Variants in CEP295 observed in about 807,000 individuals in gnomAD.
CEP295 encodes the protein centrosomal protein of 295 kDa.
A neutral mutation model predicts 291.6 loss-of-function variants in CEP295; 190 were observed. The observed-to-expected ratio is 0.65, with a 90% CI of 0.58 to 0.73. CEP295 has a LOEUF of 0.73. Among genes scored for constraint, CEP295 ranks in the 30% least tolerant of loss-of-function variants. The probability of loss-of-function intolerance (pLI) is 0.00; values close to 1 mark genes in which losing one functional copy is unlikely to be tolerated. For synonymous variants in CEP295, 993 were observed against 1,038.8 expected, an observed-to-expected ratio of 0.96 and a Z score of 0.85; for missense variants, 2,863 against 2,949.4, an observed-to-expected ratio of 0.97 and a Z score of 0.68.
chr11:93,722,192 G>T (rs1953784622), intron 20 of CEP295, 142 bp downstream of exon 20: 5 of 631,942 alleles, frequency 7.9e-6, no homozygotes, highest in Non-Finnish European at 1.4e-5. Flanking sequence ...AGTATGGCCA[G>T]GCGTGGTGCC....
chr11:93,664,289 G>A (rs963491528), intron 1 of CEP295, among the ~76,000 whole-genome samples: 3 of 151,860 alleles, frequency 2.0e-5, no homozygotes, highest in African/African-American at 7.3e-5. Context: ...TAAAATTTTC[G>A]CCACTCCACA....
In CEP295 at chr11:93,721,376, T is replaced by C. The variant is rs773130704; in HGVS notation, c.5814T>C (p.His1938=). Residue 1938 remains histidine (H), a synonymous_variant, in exon 19 of 30, where the codon CAT becomes CAC. Transcript: ENST00000325212. ...AVLSYAVEEE[H]AYLGPTVKPD... is the part of the protein sequence containing the mutation. ...TAAGTTATGCTGTGGAGGAAGAACATGCATATTTGGGTCCAACTGTGAAGC... is the reference window on the plus strand; with the variant it reads ...TAAGTTATGCTGTGGAGGAAGAACACGCATATTTGGGTCCAACTGTGAAGC... 6.3e-7 allele frequency: 1 copy of C among 1,579,080 alleles called. No individual in the cohort carries two copies. Among genetic ancestry groups the C allele is most frequent in the Non-Finnish European group, 8.6e-7 (1 of 1,159,916 alleles).
Position 93,697,563 on chromosome 11 carries a change from G to A in CEP295, c.2651G>A (p.Gly884Asp), listed in dbSNP as rs1951908264. The change falls in exon 15 of 30, where the codon GGC (glycine) becomes GAC (aspartate). Residue 884 changes from glycine to aspartate, a missense_variant. Physicochemically the swap from Gly to Asp is moderately conservative, Grantham distance 94. Transcript: ENST00000325212. ...CKQKEVEQQT[G>D]LSVFLPLVTP... ...CAGAAAGAAGTGGAACAGCAAACGG[G>A]CCTCTCGGTATTCCTTCCCTTGGTA... 6.4e-7 allele frequency: 1 copy of A among 1,551,606 alleles called. No individual in the cohort carries two copies. Among genetic ancestry groups the A allele is most frequent in the Admixed American group, 2.0e-5 (1 of 50,984 alleles).
chr11:93,666,820 G>A lies in CEP295; in HGVS notation c.108+5G>A. The A allele has an allele frequency of 7.0e-7, 1 of 1,421,904 alleles. No homozygotes were observed. Among genetic ancestry groups the A allele is most frequent in the Non-Finnish European group, 9.6e-7 (1 of 1,038,994 alleles). The allele number at this position is 1,421,904 out of a possible 1,614,324, so 88.1% of individuals were successfully genotyped here. ...CGAAAACTAAGATTGCTACAGGTAT[G>A]ACTTATTTGTAATAAAGTTTTAAAT... is the stretch of plus-strand genomic sequence containing the variant. On this transcript the variant is annotated splice_donor_5th_base_variant and intron_variant, in intron 2 of 29. Transcript: ENST00000325212.
intron 10 of CEP295, 139 bp downstream of exon 10, chr11:93,688,004 A>G (rs1951330694): frequency 1.3e-5 from 7 of 544,592 alleles, no homozygotes; most frequent in Non-Finnish European, 2.2e-5. Context: ...AAGAAACATT[A>G]TAAAAGCCTT....
intron 7 of CEP295, 82 bp downstream of exon 7, chr11:93,679,634 G>C: frequency 8.4e-7 from 1 of 1,195,112 alleles, no homozygotes; most frequent in Non-Finnish European, 1.1e-6. Context: ...TGAGCTCAAA[G>C]AAAGGTAGGA....
chr11:93,681,533 G>T (rs928871083), intron 7 of CEP295, among the ~76,000 whole-genome samples: 29 of 139,990 alleles, frequency 2.1e-4, no homozygotes, highest in African/African-American at 5.6e-4. Context: ...CTCCTGCCTT[G>T]GCCTCCCAAG....
In CEP295 at chr11:93,727,117, A is replaced by G; in HGVS notation, c.6641A>G (p.Glu2214Gly). The G allele has an allele frequency of 6.4e-7, 1 of 1,551,348 alleles. No homozygotes were observed. The stretch of plus-strand genomic sequence containing the variant: ...AAAAATCAGAACTATCCCTCTGAAG[A>G]ACATACTGAAATATTACAAAACAAG... ...GMKNQNYPSE[E>G]HTEILQNKKK... The change falls in exon 24 of 30, where the codon GAA becomes GGA. Residue 2214 changes from glutamate (E) to glycine (G), a missense_variant. Physicochemically the swap from Glu to Gly is moderately conservative, Grantham distance 98 (BLOSUM62 -2). This residue lies in a region of CEP295 where 2,295 missense variants were observed against 2,335.7 expected (regional missense o/e 0.98). Coordinates refer to ENST00000325212, the MANE Select transcript of CEP295 (RefSeq NM_033395.2).
At chr11:93,677,526 G>A (rs185537779) in intron 6 of CEP295, among the ~76,000 whole-genome samples, 17 of 152,138 alleles carry the variant, frequency 1.1e-4, no homozygotes, top group Middle Eastern at 3.4e-3. Context: ...TGCTACATTC[G>A]CTACCTCTAC....
chr11:93,721,317 C>T lies in CEP295; in HGVS notation c.5755C>T (p.Leu1919=), dbSNP rs1953696118. 1.3e-6 allele frequency: 2 copies of T among 1,547,550 alleles called. No homozygotes were observed. Among genetic ancestry groups the T allele is most frequent in the Non-Finnish European group, 1.8e-6 (2 of 1,142,686 alleles). ...CGDDYDEAVK[L]KESVVENHAV... is the part of the protein sequence containing the mutation. Reference sequence around the variant, plus strand: ...CTCCAAAATCCATTTTTCAGTTAAGCTGAAGGAATCTGTTGTTGAAAATCA... The same window carrying T: ...CTCCAAAATCCATTTTTCAGTTAAGTTGAAGGAATCTGTTGTTGAAAATCA... The change falls in exon 19 of 30, where the codon CTG becomes TTG. Residue 1919 remains leucine (L), a synonymous_variant. Transcript: ENST00000325212.
At chr11:93,684,637 C>T (rs756733855) in intron 9 of CEP295, among the ~76,000 whole-genome samples, 3 of 152,116 alleles carry the variant, frequency 2.0e-5, no homozygotes, top group Non-Finnish European at 2.9e-5. Context: ...AGGTGGAGAT[C>T]GTTAGGAAAA....
chr11:93,695,017 A>G (rs981531462), intron 12 of CEP295, among the ~76,000 whole-genome samples: 13 of 152,226 alleles, frequency 8.5e-5, no homozygotes, highest in Non-Finnish European at 1.6e-4. Context: ...TCCATGCCTG[A>G]CAAAAAAGAC....
In CEP295 at chr11:93,679,513, A is replaced by G; in HGVS notation, c.726A>G (p.Val242=). Residue 242 remains valine (V), a synonymous_variant, in exon 7 of 30, where the codon GTA becomes GTG. Transcript: ENST00000325212. The part of the protein sequence containing the change: ...ERMERFEKAH[V]RGFQAMKKIH... ...TGGAACGGTTTGAAAAGGCACATGT[A>G]CGGGGATTCCAAGCAATGAAGAAGA... is the stretch of plus-strand genomic sequence containing the variant. The G allele has an allele frequency of 6.4e-7, 1 of 1,551,488 alleles. No homozygotes were observed. Among genetic ancestry groups the G allele is most frequent in the Non-Finnish European group, 8.7e-7 (1 of 1,146,856 alleles).
chr11:93,724,507 C>G, intron 22 of CEP295, 132 bp downstream of exon 22: 1 of 893,126 alleles, frequency 1.1e-6, no homozygotes, highest in East Asian at 2.8e-5. Context: ...TGGCTCACAC[C>G]TGTAATCCCA....
At position 93,727,614 on chromosome 11, in the gene CEP295, T is replaced by C. The variant is rs1450428862; in HGVS notation, c.7138T>C (p.Leu2380=). The part of the protein sequence containing the change: ...ELFASSGSFS[L]QSSIPVWETE... ...TTTTGCAAGTTCTGGATCATTTTCA[T>C]TACAGAGCTCTATACCAGTCTGGGT... Residue 2380 remains leucine (L), a synonymous_variant, in exon 24 of 30, where the codon TTA becomes CTA. Transcript: ENST00000325212. The C allele has an allele frequency of 1.3e-6, 2 of 1,549,152 alleles. No individual in the cohort carries two copies.
intron 18 of CEP295, among the ~76,000 whole-genome samples, chr11:93,709,792 C>T (rs1952775443): frequency 6.6e-6 from 1 of 152,020 alleles, no homozygotes; most frequent in East Asian, 1.9e-4. Context: ...AATATCTTTC[C>T]ATTTTTTGTG....
Position 93,667,841 on chromosome 11 carries a change from G to C in CEP295, c.309+34G>C, listed in dbSNP as rs1052453363. 2.2e-6 allele frequency: 3 copies of C among 1,380,854 alleles called. No homozygotes were observed. In the African/African-American group the frequency reaches 4.4e-5, roughly 20 times the overall value. 85.5% of individuals were successfully genotyped at this position (1,380,854 alleles called of 1,614,324 possible). On this transcript the variant is annotated intron_variant, in intron 3 of 29. Transcript: ENST00000325212. ...GATCTTATTTGACTACCCTGTTGTGGCAGTAATATTAGTAAAAAGTAAATT... is the reference window on the plus strand; with the variant it reads ...GATCTTATTTGACTACCCTGTTGTGCCAGTAATATTAGTAAAAAGTAAATT...
At chr11:93,695,746 C>T in intron 13 of CEP295, 112 bp downstream of exon 13, 2 of 1,275,364 alleles carry the variant, frequency 1.6e-6, no homozygotes, top group South Asian at 1.6e-5. Flanking sequence ...CGCGGTGGCT[C>T]ATGCCTGTAA....
chr11:93,700,490 A>G (rs940417724), intron 15 of CEP295, among the ~76,000 whole-genome samples: 2 of 147,242 alleles, frequency 1.4e-5, no homozygotes, highest in African/African-American at 2.5e-5. Context: ...GAGTGGCACC[A>G]TGTCGGCTCA....
Sources: gnomAD v4.1 joint callset for allele counts (sites outside exome capture counted in the v4.1 genomes callset) on GRCh38, gnomAD v4.1.1 for gene constraint, gnomAD v4.1.1 regional missense constraint, MANE v1.5 for transcripts, NCBI Gene and HGNC (gene_info 2026-07-23, HGNC 2026-07-21) for gene names.